FBXO31: variants seen among roughly 807,000 people sequenced by gnomAD.
FBXO31 encodes F-box protein 31.
Under a neutral mutation model 54.4 loss-of-function variants are expected in FBXO31, and 24 were observed. That is an observed-to-expected ratio of 0.44 (90% confidence interval 0.32 to 0.62). FBXO31 has a LOEUF of 0.62. Among genes scored for constraint, FBXO31 ranks in the 20% least tolerant of loss-of-function variants. The pLI, the probability that FBXO31 is intolerant of heterozygous loss-of-function variation, is 0.05. For synonymous variants in FBXO31, 388 were observed against 335.6 expected (o/e 1.16, Z -1.71); for missense variants, 665 against 787.1 (o/e 0.84, Z 1.86).
chr16:87,366,121 G>T (rs565617962), intron 1 of FBXO31, among the ~76,000 whole-genome samples: 24 of 152,294 alleles, frequency 1.6e-4, no homozygotes, highest in Admixed American at 2.6e-4. Context: ...GAGGCACGAG[G>T]ACTGAATGCC....
upstream of FBXO31, among the ~76,000 whole-genome samples, chr16:87,391,416 T>C (rs1318310532): frequency 6.6e-6 from 1 of 152,178 alleles, no homozygotes; most frequent in Non-Finnish European, 1.5e-5. Flanking sequence ...CTGCAGCCCA[T>C]TTGGAGTCCT....
intron 1 of FBXO31, among the ~76,000 whole-genome samples, chr16:87,373,887 A>C (rs1906709625): frequency 6.6e-6 from 1 of 152,218 alleles, no homozygotes; most frequent in Non-Finnish European, 1.5e-5. Flanking sequence ...CATTTTTATC[A>C]TACAGATCAA....
intron 2 of FBXO31, among the ~76,000 whole-genome samples, chr16:87,350,026 A>T (rs911573090): frequency 2.0e-5 from 3 of 152,226 alleles, no homozygotes; most frequent in Admixed American, 6.5e-5. Flanking sequence ...GACCACATGC[A>T]CAGTCCACAT....
chr16:87,353,122 G>A (rs535801347), intron 2 of FBXO31, among the ~76,000 whole-genome samples: 43 of 152,314 alleles, frequency 2.8e-4, no homozygotes, highest in African/African-American at 9.6e-4. Flanking sequence ...CCTGGAGGCT[G>A]CAGGGGTCCA....
At chr16:87,359,783 G>C (rs769007604) in intron 2 of FBXO31, among the ~76,000 whole-genome samples, 1 of 152,208 alleles carries the variant, frequency 6.6e-6, no homozygotes, top group African/African-American at 2.4e-5. Context: ...TGATCGGTGA[G>C]TGTCACAGTT....
Position 87,369,025 on chromosome 16 carries a change from G to A in FBXO31, c.341-8659C>T, listed in dbSNP as rs1384938937. 2.0e-5 allele frequency among the ~76,000 whole-genome samples: 3 copies of A among 152,208 alleles called. No homozygotes were observed. In the East Asian group the frequency reaches 5.8e-4, roughly 29 times the overall value. ...CCATGTCTCGAACTCCTGACCTCAA[G>A]TGATCTGCCTGCCTCGGCCTCCCAA... On this transcript the variant is annotated intron_variant, in intron 1 of 8. Coordinates refer to ENST00000311635, the MANE Select transcript of FBXO31 (RefSeq NM_024735.5).
At chr16:87,391,235 C>G (rs1661844292), upstream of FBXO31, among the ~76,000 whole-genome samples, 1 of 152,018 alleles carries the variant, frequency 6.6e-6, no homozygotes, top group African/African-American at 2.4e-5. Flanking sequence ...TGAGCCCAGG[C>G]GACCGAGGCC....
chr16:87,379,354 A>G (rs1345758093), intron 1 of FBXO31, among the ~76,000 whole-genome samples: 2 of 152,226 alleles, frequency 1.3e-5, no homozygotes, highest in Non-Finnish European at 2.9e-5. Context: ...CAGCTGTTCT[A>G]TAACCCTGAG....
In FBXO31 at chr16:87,346,089, G is replaced by A. The variant is rs1244540334; in HGVS notation, c.489+1085C>T. Among the ~76,000 whole-genome samples the A allele has an allele frequency of 6.6e-6, 1 of 152,204 alleles. No homozygotes were observed. The highest frequency in any genetic ancestry group is 2.1e-4 in the South Asian group (1 of 4,830). On this transcript the variant is annotated intron_variant, in intron 3 of 8. Transcript: ENST00000311635. This position sits in a 1 kb window ranked among gnomAD's most constrained non-coding sequence, Gnocchi z 4.2. ...CAGGAAGAGAAAAGGAGGAATCAGGGCCTGGGGATAGAGTCACGGACGGCC... is the reference window on the plus strand; with the variant it reads ...CAGGAAGAGAAAAGGAGGAATCAGGACCTGGGGATAGAGTCACGGACGGCC...
At chr16:87,391,481 G>C (rs1203844356), upstream of FBXO31, 1 of 152,308 alleles carries the variant, frequency 6.6e-6, no homozygotes. Context: ...TGTCACTAGC[G>C]TAAGGTTGTC....
chr16:87,385,328 G>C (rs1005368538), upstream of FBXO31, among the ~76,000 whole-genome samples: 3 of 152,076 alleles, frequency 2.0e-5, no homozygotes, highest in Non-Finnish European at 4.4e-5. Flanking sequence ...TGTGGTGGCA[G>C]GTGCCTGTAG....
intron 2 of FBXO31, among the ~76,000 whole-genome samples, chr16:87,350,670 A>G (rs1905613156): frequency 6.6e-6 from 1 of 152,154 alleles, no homozygotes; most frequent in South Asian, 2.1e-4. Context: ...GGTTCACTGG[A>G]CAATTCTTCC....
At chr16:87,353,560 G>A (rs973499554) in intron 2 of FBXO31, among the ~76,000 whole-genome samples, 1 of 152,258 alleles carries the variant, frequency 6.6e-6, no homozygotes, top group East Asian at 1.9e-4. Context: ...GGGGACAGAG[G>A]CAGGGGCTGC....
intron 1 of FBXO31, among the ~76,000 whole-genome samples, chr16:87,366,739 T>C (rs1906383601): frequency 1.3e-5 from 2 of 152,098 alleles, no homozygotes; most frequent in Admixed American, 1.3e-4. Context: ...GATGGGCTGC[T>C]ACATGGAGAG....
intron 1 of FBXO31, among the ~76,000 whole-genome samples, chr16:87,369,343 A>G (rs1906499283): frequency 6.6e-6 from 1 of 151,870 alleles, no homozygotes; most frequent in Non-Finnish European, 1.5e-5. Flanking sequence ...GCAACTCCAC[A>G]CTTCCCCAGC....
intron 1 of FBXO31, among the ~76,000 whole-genome samples, chr16:87,373,668 G>A (rs927267328): frequency 1.3e-5 from 2 of 152,042 alleles, no homozygotes; most frequent in South Asian, 4.1e-4. Flanking sequence ...GAGGAACTGG[G>A]ACTACAGGTG....
rs2288482 is a variant in FBXO31, at chr16:87,331,057, C to G, written c.*231G>C. On this transcript the variant is annotated 3_prime_UTR_variant, in exon 9 of 9. Transcript: ENST00000311635. ...CATCTGCTGTATTCAGGCTCGTTCT[C>G]TCTGTTTTTGGTAAGACATGCTCAG... 91,219 of 524,616 alleles carry G rather than the reference C, an allele frequency of 0.17. 9,129 individuals are homozygous for G. Among genetic ancestry groups the G allele is most frequent in the South Asian group, 0.33 (14,353 of 43,576 alleles). 32.5% of individuals were successfully genotyped at this position (524,616 alleles called of 1,614,324 possible).
In FBXO31 at chr16:87,336,021, C is replaced by A; in HGVS notation, c.842+134G>T. 1 of 661,056 alleles carries A rather than the reference C, an allele frequency of 1.5e-6. No individual in the cohort carries two copies. The highest frequency in any genetic ancestry group is 2.6e-6 in the Non-Finnish European group (1 of 388,252). 40.9% of individuals were successfully genotyped at this position (661,056 alleles called of 1,614,324 possible). A position where few individuals can be genotyped will look rare whatever the true frequency, so the allele number is the denominator to read the frequency against. On this transcript the variant is annotated intron_variant, in intron 6 of 8. Transcript: ENST00000311635. The surrounding 1 kb of genome is among the most constrained non-coding windows in gnomAD (Gnocchi z 6.5). ...GAGAGAGGGGCTGTACTCCCAGCCC[C>A]CAGCAGGAGAGAGGGCTGAACCCCA...
upstream of FBXO31, chr16:87,384,014 C>T (rs1020472570): frequency 3.3e-5 from 7 of 209,796 alleles, no homozygotes; most frequent in Non-Finnish European, 6.6e-5. Context: ...GAGTGCAAAA[C>T]GTTAGACTGC....
Sources: gnomAD v4.1 joint callset for allele counts (sites outside exome capture counted in the v4.1 genomes callset) on GRCh38, gnomAD v4.1.1 for gene constraint, Gnocchi (gnomAD v3.1) non-coding constraint, MANE v1.5 for transcripts, NCBI Gene and HGNC (gene_info 2026-07-23, HGNC 2026-07-21) for gene names.